The following DPP10 variants were observed in gnomAD, a reference collection of about 807,000 sequenced individuals.
The protein encoded by DPP10 is dipeptidyl peptidase like 10.
Under a neutral mutation model 120.9 loss-of-function variants are expected in DPP10, and 33 were observed. The ratio of observed to expected loss-of-function variants is 0.27; its 90% CI spans 0.21 to 0.37. DPP10 has a LOEUF of 0.37. Ranked by LOEUF, DPP10 falls within the 10% of genes least tolerant of loss-of-function variation. The pLI, the probability that DPP10 is intolerant of heterozygous loss-of-function variation, is 1.00. For synonymous variants in DPP10, 337 were observed against 326.1 expected, an observed-to-expected ratio of 1.03 and a Z score of -0.36; for missense variants, 816 against 942.8, an observed-to-expected ratio of 0.87 and a Z score of 1.76.
chr2:114,764,666 T>G (rs1172178292), intron 1 of DPP10, among the ~76,000 whole-genome samples: 2 of 151,918 alleles, frequency 1.3e-5, no homozygotes, highest in Non-Finnish European at 2.9e-5. Context: ...GAAGATAAAT[T>G]TATAATATTT....
intron 1 of DPP10, among the ~76,000 whole-genome samples, chr2:114,679,505 T>G (rs1698885437): frequency 6.6e-6 from 1 of 152,052 alleles, no homozygotes; most frequent in East Asian, 1.9e-4. Context: ...CCTGTATTTT[T>G]TGCCCAGTTA....
chr2:115,816,252 T>C (rs1328983181), intron 21 of DPP10, among the ~76,000 whole-genome samples: 6 of 152,244 alleles, frequency 3.9e-5, no homozygotes, highest in African/African-American at 1.2e-4. Flanking sequence ...AAAGAAAAAC[T>C]GATACATAAA....
chr2:114,910,846 A>G lies in DPP10; in HGVS notation c.61-398393A>G, dbSNP rs118163084. Among the ~76,000 whole-genome samples the G allele has an allele frequency of 6.2e-3, 941 of 152,104 alleles. 28 individuals are homozygous for G. Among genetic ancestry groups the G allele is most frequent in the East Asian group, 0.052 (271 of 5,184 alleles). On this transcript the variant is annotated intron_variant, in intron 1 of 25. Coordinates refer to ENST00000410059, the MANE Select transcript of DPP10 (RefSeq NM_020868.6). ...ATACATTTTTTTCAATTTTGTTTTGAGCTTTATTTTCTAAAATGATCTAAA... is the reference window on the plus strand; with the variant it reads ...ATACATTTTTTTCAATTTTGTTTTGGGCTTTATTTTCTAAAATGATCTAAA...
In DPP10 at chr2:115,675,962, T is replaced by C. The variant is rs1382367685; in HGVS notation, c.442-13725T>C. ...CCAGCTGGACCCAATAGTTCAGCTG[T>C]GACTGTTGTACTGAAGCACATGCAG... On this transcript the variant is annotated intron_variant, in intron 5 of 25. Transcript: ENST00000410059. 2.6e-5 allele frequency among the ~76,000 whole-genome samples: 4 copies of C among 152,262 alleles called. No individual in the cohort carries two copies. In the East Asian group the frequency reaches 7.7e-4, roughly 29 times the overall value.
intron 3 of DPP10, among the ~76,000 whole-genome samples, chr2:115,478,698 C>T (rs2075244057): frequency 6.6e-6 from 1 of 152,026 alleles, no homozygotes. Context: ...ATGCCTACAA[C>T]TCAACAAGAA....
At chr2:115,063,998 C>A (rs143128437) in intron 1 of DPP10, among the ~76,000 whole-genome samples, 1 of 151,812 alleles carries the variant, frequency 6.6e-6, no homozygotes, top group South Asian at 2.1e-4. Flanking sequence ...TGGTTCAATG[C>A]CTGCCTTTTG....
chr2:114,579,379 G>A (rs1016247810), intron 1 of DPP10, among the ~76,000 whole-genome samples: 5 of 152,094 alleles, frequency 3.3e-5, no homozygotes, highest in Admixed American at 2.6e-4. Flanking sequence ...ATTTTATAGG[G>A]GGAAATAATG....
At chr2:114,879,256 T>A (rs937883211) in intron 1 of DPP10, among the ~76,000 whole-genome samples, 8 of 151,998 alleles carry the variant, frequency 5.3e-5, no homozygotes. Context: ...TTATAAGACA[T>A]AGTCCCTACC....
chr2:115,402,891 G>GTGTA, intron 3 of DPP10, among the ~76,000 whole-genome samples: 1 of 124,640 alleles, frequency 8.0e-6, no homozygotes, highest in African/African-American at 3.0e-5. Flanking sequence ...GTGTGTGTGT[G>GTGTA]TATATATATA....
At chr2:115,207,871 G>A (rs1340876085) in intron 1 of DPP10, among the ~76,000 whole-genome samples, 2 of 152,084 alleles carry the variant, frequency 1.3e-5, no homozygotes, top group African/African-American at 4.8e-5. Flanking sequence ...TGAACTATAG[G>A]CAATCACATT....
intron 1 of DPP10, among the ~76,000 whole-genome samples, chr2:115,292,560 A>G (rs967290704): frequency 6.6e-6 from 1 of 152,142 alleles, no homozygotes; most frequent in Non-Finnish European, 1.5e-5. Context: ...CAGGTAAAAT[A>G]GATTATCTGT....
chr2:114,923,606 G>A (rs538279028), intron 1 of DPP10, among the ~76,000 whole-genome samples: 1 of 148,810 alleles, frequency 6.7e-6, no homozygotes, highest in Non-Finnish European at 1.5e-5. Context: ...AGCCTCCTGA[G>A]TAGCTAGGAC....
At chr2:115,039,585 C>T (rs1367526074) in intron 1 of DPP10, among the ~76,000 whole-genome samples, 1 of 151,580 alleles carries the variant, frequency 6.6e-6, no homozygotes, top group Non-Finnish European at 1.5e-5. Flanking sequence ...CATTTTTTTC[C>T]CTCAGTCAGT....
chr2:114,806,993 T>C (rs1264345978), intron 1 of DPP10, among the ~76,000 whole-genome samples: 1 of 152,182 alleles, frequency 6.6e-6, no homozygotes, highest in Non-Finnish European at 1.5e-5. Context: ...GAAACTAATT[T>C]CCCTACTTCC....
chr2:115,000,334 G>T (rs111284246), intron 1 of DPP10, among the ~76,000 whole-genome samples: 3 of 152,116 alleles, frequency 2.0e-5, no homozygotes, highest in African/African-American at 7.2e-5. Context: ...AAAAATTGGG[G>T]GGACATAGTT....
At chr2:115,615,434 GA>G (rs1424555104) in intron 5 of DPP10, among the ~76,000 whole-genome samples, 19 of 152,206 alleles carry the variant, frequency 1.2e-4, no homozygotes, top group Admixed American at 7.2e-4. Context: ...AGAATGGCGG[GA>G]TGTTATGAAC....
chr2:115,082,855 T>C (rs1708387542), intron 1 of DPP10, among the ~76,000 whole-genome samples: 1 of 152,216 alleles, frequency 6.6e-6, no homozygotes, highest in African/African-American at 2.4e-5. Context: ...AAATAACTGG[T>C]TATTGTTTTA....
At chr2:115,620,597 G>A (rs921000996) in intron 5 of DPP10, among the ~76,000 whole-genome samples, 3 of 152,170 alleles carry the variant, frequency 2.0e-5, no homozygotes, top group African/African-American at 4.8e-5. Context: ...GCTTTGGACT[G>A]TCTAGAGAGT....
At chr2:115,038,240 ATATT>A (rs1003115337) in intron 1 of DPP10, among the ~76,000 whole-genome samples, 56 of 151,310 alleles carry the variant, frequency 3.7e-4, no homozygotes, top group African/African-American at 1.2e-3. Flanking sequence ...TACTCAGCAA[ATATT>A]TATTTATTTA....
Sources: allele counts gnomAD v4.1 joint callset (sites outside exome capture counted in the v4.1 genomes callset), GRCh38; gene constraint gnomAD v4.1.1; transcripts MANE v1.5; gene names NCBI Gene and HGNC (gene_info 2026-07-23, HGNC 2026-07-21).